CNTNAP2: variants seen among roughly 807,000 people sequenced by gnomAD.
The protein encoded by CNTNAP2 is contactin-associated protein-like 2.
A neutral mutation model predicts 155.2 loss-of-function variants in CNTNAP2; 98 were observed. That is an observed-to-expected ratio of 0.63 (90% CI 0.54 to 0.75). The LOEUF (loss-of-function observed/expected upper bound fraction) is 0.75, where lower values mean the gene tolerates loss of function less well. Among genes scored for constraint, CNTNAP2 ranks in the 30% least tolerant of loss-of-function variants. CNTNAP2 has a pLI of 0.00. For missense variants in CNTNAP2, 1,727 were observed against 1,688.1 expected (o/e 1.02, Z -0.40); for synonymous variants, 651 against 631.2 (o/e 1.03, Z -0.47).
At chr7:147,609,175 C>A (rs769531984) in intron 12 of CNTNAP2, among the ~76,000 whole-genome samples, 5 of 152,122 alleles carry the variant, frequency 3.3e-5, no homozygotes, top group South Asian at 4.1e-4. Context: ...TATATAAAAT[C>A]TGCAAAAGTT....
At chr7:147,225,782 GGAAGGAAGGAAGGAAGGAAA>G (rs879342143) in intron 8 of CNTNAP2, among the ~76,000 whole-genome samples, 1,922 of 117,596 alleles carry the variant, frequency 0.016, 48 homozygotes, top group Non-Finnish European at 0.021. Context: ...AAGGAAGGAA[GGAAGGAAGGAAGGAAGGAAA>G]GAAAGAAAGA....
At chr7:146,334,438 A>T (rs890376913) in intron 1 of CNTNAP2, among the ~76,000 whole-genome samples, 2 of 151,970 alleles carry the variant, frequency 1.3e-5, no homozygotes, top group African/African-American at 4.8e-5. Flanking sequence ...CTCAAAAAAA[A>T]AAAAAAAAAG....
At chr7:146,287,970 T>C (rs571525352) in intron 1 of CNTNAP2, among the ~76,000 whole-genome samples, 7 of 152,168 alleles carry the variant, frequency 4.6e-5, no homozygotes. Context: ...TTTTCTCTTA[T>C]GTCTTAAAAT....
At chr7:146,135,896 A>G (rs779183835) in intron 1 of CNTNAP2, among the ~76,000 whole-genome samples, 8 of 152,096 alleles carry the variant, frequency 5.3e-5, no homozygotes, top group Non-Finnish European at 1.0e-4. Context: ...GTAAAATTCC[A>G]TCAAAATCAA....
chr7:146,291,641 A>G (rs1026076876), intron 1 of CNTNAP2, among the ~76,000 whole-genome samples: 21 of 152,230 alleles, frequency 1.4e-4, no homozygotes, highest in African/African-American at 5.1e-4. Flanking sequence ...TGACACATAG[A>G]TCTGCACAGA....
chr7:146,524,614 T>C (rs1004034740), intron 1 of CNTNAP2, among the ~76,000 whole-genome samples: 2 of 152,118 alleles, frequency 1.3e-5, no homozygotes, highest in African/African-American at 4.8e-5. Context: ...GACTGCTCTC[T>C]AGGATCACCT....
At chr7:146,961,163 C>T (rs1797551119) in intron 3 of CNTNAP2, among the ~76,000 whole-genome samples, 1 of 152,158 alleles carries the variant, frequency 6.6e-6, no homozygotes, top group Admixed American at 6.5e-5. Flanking sequence ...TAAAGTGACC[C>T]GTGAACCCAT....
chr7:147,774,817 C>T (rs1797532783), intron 13 of CNTNAP2, among the ~76,000 whole-genome samples: 1 of 152,012 alleles, frequency 6.6e-6, no homozygotes, highest in Non-Finnish European at 1.5e-5. Flanking sequence ...CTGAAGGGGA[C>T]TAAGATAGAA....
intron 11 of CNTNAP2, among the ~76,000 whole-genome samples, chr7:147,502,401 G>T (rs1185564226): frequency 6.6e-6 from 1 of 150,868 alleles, no homozygotes; most frequent in Non-Finnish European, 1.5e-5. Flanking sequence ...AAAAACAAAT[G>T]CTGTATCTAT....
At chr7:148,251,338 A>T (rs1176090279) in intron 20 of CNTNAP2, among the ~76,000 whole-genome samples, 1 of 152,238 alleles carries the variant, frequency 6.6e-6, no homozygotes, top group African/African-American at 2.4e-5. Context: ...GGAGAGATGC[A>T]GGTGGCAAGA....
intron 11 of CNTNAP2, among the ~76,000 whole-genome samples, chr7:147,537,125 G>T (rs752159298): frequency 2.0e-5 from 3 of 152,172 alleles, no homozygotes; most frequent in Non-Finnish European, 4.4e-5. Context: ...CCCAAATGTG[G>T]AAAGAACCAT....
At chr7:148,086,484 A>G (rs1803731492) in intron 15 of CNTNAP2, among the ~76,000 whole-genome samples, 1 of 152,180 alleles carries the variant, frequency 6.6e-6, no homozygotes, top group African/African-American at 2.4e-5. Context: ...TAATTTTCCT[A>G]AATATTTTAA....
At chr7:146,710,512 C>T (rs1211463927) in intron 1 of CNTNAP2, among the ~76,000 whole-genome samples, 1 of 152,150 alleles carries the variant, frequency 6.6e-6, no homozygotes, top group African/African-American at 2.4e-5. Flanking sequence ...CAGTATCCTC[C>T]TTGTAGTTTT....
At chr7:147,865,251 C>T (rs1799206974) in intron 13 of CNTNAP2, among the ~76,000 whole-genome samples, 2 of 152,112 alleles carry the variant, frequency 1.3e-5, no homozygotes, top group Admixed American at 6.6e-5. Flanking sequence ...ATATGTTGAA[C>T]CAGCCTTGCA....
Position 146,620,232 on chromosome 7 carries a change from C to A in CNTNAP2, c.98-154039C>A, listed in dbSNP as rs545589519. ...AATGATACTCCCTGCATTTTTCCTG[C>A]AGATGACATTGCATATAAATGACAC... On this transcript the variant is annotated intron_variant, in intron 1 of 23. Coordinates refer to ENST00000361727, the MANE Select transcript of CNTNAP2 (RefSeq NM_014141.6). 3.2e-4 allele frequency among the ~76,000 whole-genome samples: 49 copies of A among 152,188 alleles called. No homozygotes were observed. In the East Asian group the frequency reaches 5.2e-3, roughly 16 times the overall value.
rs749252606 is a variant in CNTNAP2, at chr7:146,668,444, GT to G, written c.98-105826del. Among the ~76,000 whole-genome samples the G allele has an allele frequency of 6.9e-3, 1,032 of 149,846 alleles. 10 individuals are homozygous for G. Among genetic ancestry groups the G allele is most frequent in the Non-Finnish European group, 0.011 (770 of 67,648 alleles). On this transcript the variant is annotated intron_variant, in intron 1 of 23. Transcript: ENST00000361727. The stretch of plus-strand genomic sequence containing the variant: ...GTAATTTTCCTGTGTGTGTGTGTGT[GT>G]GTGTGTGTGTGTGTGTGTGTGTGTG...
At position 147,551,069 on chromosome 7, in the gene CNTNAP2, T is replaced by C. The variant is rs375776613; in HGVS notation, c.1778-11069T>C. ...GGATGTAGCAAAAATTATGATATGG[T>C]TCTTATGTGCATTAAGGTAAACATT... On this transcript the variant is annotated intron_variant, in intron 11 of 23. Coordinates refer to ENST00000361727, the MANE Select transcript of CNTNAP2 (RefSeq NM_014141.6). Among the ~76,000 whole-genome samples, 23 of 152,292 alleles carry C rather than the reference T, an allele frequency of 1.5e-4. No individual in the cohort carries two copies. The East Asian group carries it at 3.3e-3, about 22-fold the overall frequency.
At chr7:146,853,388 C>T (rs969551901) in intron 3 of CNTNAP2, among the ~76,000 whole-genome samples, 26 of 152,028 alleles carry the variant, frequency 1.7e-4, no homozygotes, top group African/African-American at 6.3e-4. Flanking sequence ...GACACAGGCA[C>T]ATGTACACAC....
Position 148,309,683 on chromosome 7 carries a change from T to C in CNTNAP2, c.3475+42557T>C, listed in dbSNP as rs536572808. Among the ~76,000 whole-genome samples, 3 of 152,010 alleles carry C rather than the reference T, an allele frequency of 2.0e-5. No individual in the cohort carries two copies. In the South Asian group the frequency reaches 6.2e-4, roughly 32 times the overall value. On this transcript the variant is annotated intron_variant, in intron 21 of 23. Coordinates refer to ENST00000361727, the MANE Select transcript of CNTNAP2 (RefSeq NM_014141.6). The stretch of plus-strand genomic sequence containing the variant: ...CAGGAGAAGGAATTTCACACGATAA[T>C]GTCATCAGTTAAGGCATGAACAGGC...
Sources: gnomAD v4.1 joint callset for allele counts (sites outside exome capture counted in the v4.1 genomes callset) on GRCh38, gnomAD v4.1.1 for gene constraint, MANE v1.5 for transcripts, NCBI Gene and HGNC (gene_info 2026-07-23, HGNC 2026-07-21) for gene names.